LDLRAP1: variants seen among roughly 807,000 people sequenced by gnomAD.
LDLRAP1 encodes low density lipoprotein receptor adaptor protein 1.
LDLRAP1 carries 30 observed loss-of-function variants against 37.8 expected under a neutral mutation model. The ratio of observed to expected loss-of-function variants is 0.79; its 90% confidence interval spans 0.59 to 1.08. LDLRAP1 has a LOEUF of 1.08. Among genes scored for constraint, LDLRAP1 ranks in the 50% least tolerant of loss-of-function variants. The pLI, the probability that LDLRAP1 is intolerant of heterozygous loss-of-function variation, is 0.00. For synonymous variants in LDLRAP1, 156 were observed against 169.8 expected (o/e 0.92, Z 0.63); for missense variants, 375 against 401.6 (o/e 0.93, Z 0.57).
Position 25,544,486 on chromosome 1 carries a change from C to A in LDLRAP1, c.88+700C>A, listed in dbSNP as rs1417861807. On this transcript the variant is annotated intron_variant, in intron 1 of 8. Transcript: ENST00000374338. The surrounding 1 kb of genome is among the most constrained non-coding windows in gnomAD (Gnocchi z 4.8). ...CCCGACTATTTTTGAAACCTGTTTTCTCTCGCACCTTTCCCCTCGGGCTTC... is the reference window on the plus strand; with the variant it reads ...CCCGACTATTTTTGAAACCTGTTTTATCTCGCACCTTTCCCCTCGGGCTTC... 2.0e-5 allele frequency among the ~76,000 whole-genome samples: 3 copies of A among 152,222 alleles called. No homozygotes were observed. In the East Asian group the frequency reaches 5.8e-4, roughly 29 times the overall value.
chr1:25,576,306 C>T, the LDLRAP1 span, among the ~76,000 whole-genome samples: 11 of 151,968 alleles, frequency 7.2e-5, no homozygotes, highest in African/African-American at 2.7e-4. Context: ...GCAGGTGGAT[C>T]GCTTGAGGTC....
At chr1:25,584,618 G>C in the LDLRAP1 span, among the ~76,000 whole-genome samples, 1 of 152,120 alleles carries the variant, frequency 6.6e-6, no homozygotes, top group African/African-American at 2.4e-5. Context: ...GAGGGGTCTT[G>C]GGTGGTGGGG....
At chr1:25,570,420 G>C (rs1463628084), downstream of LDLRAP1, among the ~76,000 whole-genome samples, 1 of 152,196 alleles carries the variant, frequency 6.6e-6, no homozygotes, top group African/African-American at 2.4e-5. Context: ...CCCAGGAAGA[G>C]ATCCCATCCC....
the LDLRAP1 span, among the ~76,000 whole-genome samples, chr1:25,579,938 A>G: frequency 6.6e-6 from 1 of 152,106 alleles, no homozygotes; most frequent in Non-Finnish European, 1.5e-5. Context: ...CCTCCAACCA[A>G]TTTCCAAACC....
At chr1:25,557,369 C>T in intron 4 of LDLRAP1, 102 bp downstream of exon 4, 3 of 889,380 alleles carry the variant, frequency 3.4e-6, no homozygotes, top group Non-Finnish European at 5.5e-6. Flanking sequence ...CAAAGGTGAC[C>T]ATTACTTAAG....
At chr1:25,577,056 C>T in the LDLRAP1 span, among the ~76,000 whole-genome samples, 1 of 152,228 alleles carries the variant, frequency 6.6e-6, no homozygotes, top group Non-Finnish European at 1.5e-5. Flanking sequence ...TCGGTCCTAG[C>T]CCCACTTAGT....
intron 6 of LDLRAP1, 42 bp downstream of exon 6, chr1:25,563,195 G>A (rs1008208669): frequency 1.3e-6 from 2 of 1,571,750 alleles, no homozygotes; most frequent in East Asian, 4.5e-5. Flanking sequence ...TGCGGTGTTG[G>A]GGTTGCGCTT....
downstream of LDLRAP1, among the ~76,000 whole-genome samples, chr1:25,570,536 C>T (rs1020273563): frequency 6.6e-6 from 1 of 152,110 alleles, no homozygotes; most frequent in Non-Finnish European, 1.5e-5. Context: ...TTCCCAGGTG[C>T]TCATCAGAGG....
chr1:25,549,601 T>G (rs977305519), intron 1 of LDLRAP1, among the ~76,000 whole-genome samples: 1 of 152,178 alleles, frequency 6.6e-6, no homozygotes, highest in African/African-American at 2.4e-5. Context: ...AATAGCGCAG[T>G]CATTACCCAC....
the LDLRAP1 span, among the ~76,000 whole-genome samples, chr1:25,585,379 G>A: frequency 3.3e-5 from 5 of 151,248 alleles, no homozygotes; most frequent in Admixed American, 2.6e-4. Flanking sequence ...AGGCTGGAGT[G>A]CAGTGGCACG....
At chr1:25,553,756 G>A in intron 1 of LDLRAP1, 166 bp from the exon 2 acceptor site, 1 of 768,750 alleles carries the variant, frequency 1.3e-6, no homozygotes, top group Non-Finnish European at 2.0e-6. Context: ...GAGTGACAGA[G>A]TGAAACTCAG....
At chr1:25,576,532 A>C in the LDLRAP1 span, among the ~76,000 whole-genome samples, 1 of 152,206 alleles carries the variant, frequency 6.6e-6, no homozygotes, top group African/African-American at 2.4e-5. Context: ...ATCTCAAAAA[A>C]ACAAAAAACA....
At chr1:25,546,262 G>A (rs1283618961) in intron 1 of LDLRAP1, among the ~76,000 whole-genome samples, 1 of 152,208 alleles carries the variant, frequency 6.6e-6, no homozygotes, top group African/African-American at 2.4e-5. Flanking sequence ...TGGAGTTAAA[G>A]TTAGACTCGA....
rs1008389858 is a variant in LDLRAP1 at position 25,555,833 on chromosome 1, G to C, written c.344+861G>C. On this transcript the variant is annotated intron_variant, in intron 3 of 8. Coordinates refer to ENST00000374338, the MANE Select transcript of LDLRAP1 (RefSeq NM_015627.3). The surrounding 1 kb of genome is among the most constrained non-coding windows in gnomAD (Gnocchi z 4.7). ...TATTCTGCCAACGTCTGTGCCAGAT[G>C]AGGACTCCAATCCTGCTCATTGCCC... Among the ~76,000 whole-genome samples the C allele has an allele frequency of 1.3e-5, 2 of 152,182 alleles. No individual in the cohort carries two copies. The highest frequency in any genetic ancestry group is 6.5e-5 in the Admixed American group (1 of 15,280).
chr1:25,579,596 G>T, the LDLRAP1 span, among the ~76,000 whole-genome samples: 2 of 152,222 alleles, frequency 1.3e-5, no homozygotes, highest in Non-Finnish European at 2.9e-5. Flanking sequence ...CTTGAGCCAA[G>T]AATGTAGGGA....
At chr1:25,558,759 C>CTG (rs1416453254) in intron 4 of LDLRAP1, among the ~76,000 whole-genome samples, 2 of 152,196 alleles carry the variant, frequency 1.3e-5, no homozygotes, top group Non-Finnish European at 2.9e-5. Flanking sequence ...TAATCTCCAT[C>CTG]GCCACATCCT....
chr1:25,564,859 G>A (rs777230792), intron 7 of LDLRAP1: 1 of 389,216 alleles, frequency 2.6e-6, no homozygotes, highest in Non-Finnish European at 4.8e-6. Flanking sequence ...GAAAAGCTGA[G>A]TTTCAACGTG....
rs2043871619 is a variant in LDLRAP1, at chr1:25,544,089, A to G, written c.88+303A>G. On this transcript the variant is annotated intron_variant, in intron 1 of 8. Transcript: ENST00000374338. The surrounding 1 kb of genome is among the most constrained non-coding windows in gnomAD (Gnocchi z 4.8). ...CAGGTTGGGAGAAGAGGCCCCCGCC[A>G]CCCGCGGCACCTCCCGCCCTGCTGT... 6.6e-6 allele frequency among the ~76,000 whole-genome samples: 1 copy of G among 151,974 alleles called. No individual in the cohort carries two copies. The highest frequency in any genetic ancestry group is 1.5e-5 in the Non-Finnish European group (1 of 67,944).
At position 25,567,395 on chromosome 1, in the gene LDLRAP1, C is replaced by G. The variant is rs892235843; in HGVS notation, c.*403C>G. 3.2e-6 allele frequency: 1 copy of G among 315,706 alleles called. No homozygotes were observed. 19.6% of individuals were successfully genotyped at this position (315,706 alleles called of 1,614,324 possible). On this transcript the variant is annotated 3_prime_UTR_variant, in exon 9 of 9. Transcript: ENST00000374338. ...TCTCTTTCTAAGGACCCAAATTTCC[C>G]TGGGGGCATCCTGCTTCCTGAAAGC...
Sources: gnomAD v4.1 joint callset for allele counts (sites outside exome capture counted in the v4.1 genomes callset) on GRCh38, gnomAD v4.1.1 for gene constraint, Gnocchi (gnomAD v3.1) non-coding constraint, MANE v1.5 for transcripts, NCBI Gene and HGNC (gene_info 2026-07-23, HGNC 2026-07-21) for gene names.